Variants in CNTNAP2 observed in about 807,000 individuals in gnomAD.
The protein encoded by CNTNAP2 is contactin associated protein 2, also known as contactin-associated protein-like 2.
CNTNAP2 carries 98 observed loss-of-function variants against 155.2 expected under a neutral mutation model. The observed-to-expected ratio is 0.63, with a 90% CI of 0.54 to 0.75. CNTNAP2 has a LOEUF of 0.75. CNTNAP2 is among the 30% of genes least tolerant of loss of function. The pLI is 0.00. For synonymous variants in CNTNAP2, 651 were observed against 631.2 expected (o/e 1.03, Z -0.47); for missense variants, 1,727 against 1,688.1 (o/e 1.02, Z -0.40).
chr7:146,666,175 T>G (rs1800191544), intron 1 of CNTNAP2, among the ~76,000 whole-genome samples: 1 of 152,076 alleles, frequency 6.6e-6, no homozygotes, highest in Admixed American at 6.6e-5. Flanking sequence ...GCCTCTAGTG[T>G]CTTCTATTAT....
chr7:147,409,361 A>T (rs1797064091), intron 10 of CNTNAP2, among the ~76,000 whole-genome samples: 1 of 152,256 alleles, frequency 6.6e-6, no homozygotes, highest in South Asian at 2.1e-4. Flanking sequence ...CAGAAAATTA[A>T]AACTGGACCC....
At chr7:146,799,265 G>A (rs970281961) in intron 2 of CNTNAP2, among the ~76,000 whole-genome samples, 19 of 152,060 alleles carry the variant, frequency 1.2e-4, no homozygotes, top group African/African-American at 4.1e-4. Flanking sequence ...AGTTTCCATA[G>A]TATTACCATA....
chr7:146,415,726 A>C (rs1290726556), intron 1 of CNTNAP2, among the ~76,000 whole-genome samples: 3 of 152,062 alleles, frequency 2.0e-5, no homozygotes, highest in Non-Finnish European at 4.4e-5. Flanking sequence ...CAACCAATCA[A>C]AGTCATGCTA....
chr7:147,832,750 A>T (rs971253960), intron 13 of CNTNAP2, among the ~76,000 whole-genome samples: 1 of 146,816 alleles, frequency 6.8e-6, no homozygotes, highest in East Asian at 2.0e-4. Flanking sequence ...TAATTTAATG[A>T]CATATAAACA....
intron 16 of CNTNAP2, among the ~76,000 whole-genome samples, chr7:148,129,937 C>T (rs764169101): frequency 6.6e-6 from 1 of 152,216 alleles, no homozygotes; most frequent in Non-Finnish European, 1.5e-5. Flanking sequence ...CAATAAAACA[C>T]ATCTGCTTCC....
At chr7:146,525,558 A>ATCTT (rs1797676987) in intron 1 of CNTNAP2, among the ~76,000 whole-genome samples, 1 of 147,116 alleles carries the variant, frequency 6.8e-6, no homozygotes, top group Admixed American at 6.6e-5. Flanking sequence ...CTATCTATCT[A>ATCTT]TCTATCTATC....
chr7:147,902,403 A>T lies in CNTNAP2; in HGVS notation c.2099-1162A>T, dbSNP rs200995705. On this transcript the variant is annotated intron_variant, in intron 13 of 23. Transcript: ENST00000361727. ...GAAGTATAGAATTAAAAGCTTTTTT[A>T]AAAAAAACAAATTTATTTCTGTAGG... Among the ~76,000 whole-genome samples the T allele has an allele frequency of 5.3e-3, 359 of 67,190 alleles. 1 individual carries two copies. Among genetic ancestry groups the T allele is most frequent in the African/African-American group, 0.022 (310 of 14,208 alleles). 44.1% of individuals were successfully genotyped at this position (67,190 alleles called of 152,430 possible). A position where few individuals can be genotyped will look rare whatever the true frequency, so the allele number is the denominator to read the frequency against.
chr7:147,495,111 C>T (rs1389343480), intron 11 of CNTNAP2, among the ~76,000 whole-genome samples: 2 of 152,068 alleles, frequency 1.3e-5, no homozygotes, highest in African/African-American at 2.4e-5. Context: ...AGCATTAATA[C>T]ATTATAAGAA....
chr7:146,806,618 G>A (rs887791282), intron 2 of CNTNAP2, among the ~76,000 whole-genome samples: 9 of 152,264 alleles, frequency 5.9e-5, no homozygotes, highest in African/African-American at 2.2e-4. Flanking sequence ...TACCTGTAGA[G>A]CAGGAATGAG....
intron 1 of CNTNAP2, among the ~76,000 whole-genome samples, chr7:146,307,733 G>T (rs1220858131): frequency 6.6e-6 from 1 of 152,102 alleles, no homozygotes; most frequent in Non-Finnish European, 1.5e-5. Flanking sequence ...ATGAGTAAAG[G>T]ATTCCCTATT....
At chr7:146,152,103 G>A (rs1451903529) in intron 1 of CNTNAP2, among the ~76,000 whole-genome samples, 1 of 151,858 alleles carries the variant, frequency 6.6e-6, no homozygotes, top group African/African-American at 2.4e-5. Context: ...GCCAAGATAT[G>A]GAATCAATCT....
At chr7:147,917,078 C>A (rs1364283270) in intron 14 of CNTNAP2, among the ~76,000 whole-genome samples, 1 of 152,224 alleles carries the variant, frequency 6.6e-6, no homozygotes, top group East Asian at 1.9e-4. Context: ...GGTATTGCAA[C>A]AATCTTCCAA....
chr7:148,192,314 C>A (rs866538012), intron 18 of CNTNAP2, among the ~76,000 whole-genome samples: 1 of 152,106 alleles, frequency 6.6e-6, no homozygotes, highest in Non-Finnish European at 1.5e-5. Context: ...TTGTTTAGCT[C>A]GCACTTATAA....
At chr7:146,436,155 A>G (rs1049622596) in intron 1 of CNTNAP2, among the ~76,000 whole-genome samples, 2 of 152,136 alleles carry the variant, frequency 1.3e-5, no homozygotes, top group East Asian at 1.9e-4. Context: ...TATCTCTCCT[A>G]GCAATACTCT....
intron 21 of CNTNAP2, among the ~76,000 whole-genome samples, chr7:148,337,209 G>T (rs528455318): frequency 2.1e-3 from 323 of 152,112 alleles, no homozygotes; most frequent in African/African-American, 7.3e-3. Context: ...GGCCCCTGCT[G>T]CTCCCCCTCC....
intron 8 of CNTNAP2, among the ~76,000 whole-genome samples, chr7:147,147,483 A>G (rs938700073): frequency 1.3e-5 from 2 of 152,208 alleles, no homozygotes; most frequent in Non-Finnish European, 2.9e-5. Flanking sequence ...AAAAAAAACA[A>G]AAACAAAGTG....
At chr7:147,767,413 C>A (rs1797398965) in intron 13 of CNTNAP2, among the ~76,000 whole-genome samples, 1 of 151,950 alleles carries the variant, frequency 6.6e-6, no homozygotes, top group Non-Finnish European at 1.5e-5. Flanking sequence ...TCCTAAGGTA[C>A]AAATTTTGAA....
chr7:147,536,619 C>T (rs537597809), intron 11 of CNTNAP2, among the ~76,000 whole-genome samples: 2 of 152,288 alleles, frequency 1.3e-5, no homozygotes, highest in African/African-American at 2.4e-5. Context: ...TGTCCGAAAT[C>T]TTTGGACATC....
intron 2 of CNTNAP2, 81 bp from the exon 3 acceptor site, chr7:146,839,630 A>T: frequency 6.9e-7 from 1 of 1,455,688 alleles, no homozygotes; most frequent in Non-Finnish European, 9.6e-7. Flanking sequence ...ACCAATTAAG[A>T]TATGTAGAAT....
Sources: gnomAD v4.1 joint callset for allele counts (sites outside exome capture counted in the v4.1 genomes callset) on GRCh38, gnomAD v4.1.1 for gene constraint, MANE v1.5 for transcripts, NCBI Gene and HGNC (gene_info 2026-07-23, HGNC 2026-07-21) for gene names.